The following INTS9 variants were observed in gnomAD, a reference collection of about 807,000 sequenced individuals.
INTS9 encodes integrator complex subunit 9, also known as protein related to CPSF subunits of 74 kDa.
A neutral mutation model predicts 79.7 loss-of-function variants in INTS9; 55 were observed. The ratio of observed to expected loss-of-function variants is 0.69; its 90% CI spans 0.56 to 0.86. The LOEUF is 0.86. Among genes scored for constraint, INTS9 ranks in the 40% least tolerant of loss-of-function variants. INTS9 has a pLI of 0.00. For synonymous variants in INTS9, 319 were observed against 325.2 expected (o/e 0.98, Z 0.20); for missense variants, 721 against 831.5 (o/e 0.87, Z 1.64).
intron 1 of INTS9, among the ~76,000 whole-genome samples, chr8:28,864,703 G>C (rs545335029): frequency 6.6e-6 from 1 of 152,236 alleles, no homozygotes; most frequent in Admixed American, 6.5e-5. Context: ...TCATGTGCGT[G>C]AGAATGAGAT....
intron 11 of INTS9, 43 bp from the exon 12 acceptor site, chr8:28,781,037 A>T: frequency 1.3e-6 from 2 of 1,548,030 alleles, no homozygotes; most frequent in Non-Finnish European, 1.8e-6. Context: ...GAGCCTGCCC[A>T]GGCTGAAGGG....
chr8:28,794,589 TCCTA>T (rs1328523888), intron 9 of INTS9, among the ~76,000 whole-genome samples: 1 of 152,176 alleles, frequency 6.6e-6, no homozygotes, highest in Non-Finnish European at 1.5e-5. Flanking sequence ...CTGTCTCAAA[TCCTA>T]CCTTTGTCCC....
At chr8:28,862,053 AGTGCACG>A (rs1183722752) in intron 1 of INTS9, 5 of 984,992 alleles carry the variant, frequency 5.1e-6, no homozygotes, top group Non-Finnish European at 6.0e-6. Context: ...GGGTCAACTG[AGTGCACG>A]GGAGCACAGA....
chr8:28,812,385 G>C lies in INTS9; in HGVS notation c.686C>G (p.Ser229Cys). The change falls in exon 8 of 17, where the codon TCT becomes TGT. Residue 229 changes from serine to cysteine, a missense_variant. Around this residue, in one of 3 missense-constraint regions of INTS9, gnomAD observed 291 missense variants for 307.0 expected, o/e 0.95. Coordinates refer to ENST00000521022, the MANE Select transcript of INTS9 (RefSeq NM_018250.4). ...GACATAAGACACTTTCTCGTAATGA[G>C]ACTGGATGATCCAGTTGGAGCTCCC... is the stretch of plus-strand genomic sequence containing the variant. ...ALGSSNWIIQ[S>C]HYEKVSYVSG... 6.2e-7 allele frequency: 1 copy of C among 1,613,792 alleles called. No individual in the cohort carries two copies. The highest frequency in any genetic ancestry group is 2.2e-5 in the East Asian group (1 of 44,864).
At chr8:28,821,229 A>C (rs1373188354) in intron 6 of INTS9, among the ~76,000 whole-genome samples, 2 of 152,222 alleles carry the variant, frequency 1.3e-5, no homozygotes, top group East Asian at 1.9e-4. Context: ...CTGGGAAGAA[A>C]AATAGGTTTA....
chr8:28,872,976 A>ATT (rs200377978), intron 1 of INTS9, among the ~76,000 whole-genome samples: 3 of 146,270 alleles, frequency 2.1e-5, no homozygotes. Flanking sequence ...ATTACAGGTG[A>ATT]TTTTTTTTTT....
chr8:28,797,563 G>A (rs35662659), intron 8 of INTS9, among the ~76,000 whole-genome samples: 29,105 of 152,120 alleles, frequency 0.19, 3,120 homozygotes, highest in East Asian at 0.46. Context: ...TTAGGATGCT[G>A]TGTTTTTATT....
intron 6 of INTS9, among the ~76,000 whole-genome samples, chr8:28,834,965 C>T (rs1255096239): frequency 6.6e-6 from 1 of 152,204 alleles, no homozygotes; most frequent in Non-Finnish European, 1.5e-5. Context: ...GCGTGAGTCA[C>T]CGCGCCTAGC....
intron 1 of INTS9, chr8:28,859,782 A>G: frequency 1.6e-6 from 1 of 613,372 alleles, no homozygotes; most frequent in Non-Finnish European, 3.0e-6. Flanking sequence ...GTCTTTTCAC[A>G]GGGTGCCAAG....
chr8:28,865,797 G>A (rs1232129561), intron 1 of INTS9, among the ~76,000 whole-genome samples: 3 of 152,100 alleles, frequency 2.0e-5, no homozygotes, highest in African/African-American at 4.8e-5. Flanking sequence ...CACATAACTC[G>A]TCTTTCACAA....
intron 6 of INTS9, among the ~76,000 whole-genome samples, chr8:28,820,865 G>A (rs1220541122): frequency 3.9e-5 from 6 of 152,030 alleles, no homozygotes; most frequent in African/African-American, 1.4e-4. Context: ...AAGGAAGGGA[G>A]GATAGTATGT....
At chr8:28,802,034 A>G (rs529272764) in intron 8 of INTS9, among the ~76,000 whole-genome samples, 13 of 152,344 alleles carry the variant, frequency 8.5e-5, no homozygotes, top group Admixed American at 2.6e-4. Flanking sequence ...AGACATTCTC[A>G]TAGGCCAATC....
At chr8:28,870,608 C>T (rs1360310054) in intron 1 of INTS9, among the ~76,000 whole-genome samples, 1 of 152,112 alleles carries the variant, frequency 6.6e-6, no homozygotes, top group Non-Finnish European at 1.5e-5. Flanking sequence ...AATATGCTTT[C>T]TTTTCTCTCT....
At chr8:28,881,239 C>G (rs1251993320) in intron 1 of INTS9, among the ~76,000 whole-genome samples, 28 of 139,830 alleles carry the variant, frequency 2.0e-4, no homozygotes, top group South Asian at 7.0e-4. Context: ...GTCGCCCCGT[C>G]CAGGAGGGAG....
At chr8:28,862,108 C>T in intron 1 of INTS9, 1 of 985,456 alleles carries the variant, frequency 1.0e-6, no homozygotes, top group Non-Finnish European at 1.2e-6. Context: ...ACAGGAGGCG[C>T]TTGCAAAGGG....
At chr8:28,810,606 C>T in intron 8 of INTS9, among the ~76,000 whole-genome samples, 1 of 149,676 alleles carries the variant, frequency 6.7e-6, no homozygotes, top group East Asian at 1.9e-4. Flanking sequence ...GACCTTCTCT[C>T]TCTCTCTCTC....
In INTS9 at chr8:28,882,547, A is replaced by G. The variant is rs375089635; in HGVS notation, c.9+7327T>C. On this transcript the variant is annotated intron_variant, in intron 1 of 16. Transcript: ENST00000521022. ...TATTAACAGCTAAAAAAAAAAAAAA[A>G]GAAAAAAAAAAAGAAAAATGTAGAC... is the stretch of plus-strand genomic sequence containing the variant. Among the ~76,000 whole-genome samples, 275 of 135,084 alleles carry G rather than the reference A, an allele frequency of 2.0e-3. 2 individuals are homozygous for G. The highest frequency in any genetic ancestry group is 6.8e-3 in the African/African-American group (240 of 35,080). The allele number at this position is 135,084 out of a possible 152,430, so 88.6% of individuals were successfully genotyped here.
rs533557355 is a variant in INTS9, at chr8:28,838,813, C to T, written c.262-1037G>A. ...TGGGATTACACCAAGCCACCAAGCC[C>T]GGTCTGTCTGTGTAACTCTTATGAC... On this transcript the variant is annotated intron_variant, in intron 4 of 16. Coordinates refer to ENST00000521022, the MANE Select transcript of INTS9 (RefSeq NM_018250.4). Among the ~76,000 whole-genome samples, 8 of 152,210 alleles carry T rather than the reference C, an allele frequency of 5.3e-5. No homozygotes were observed. The South Asian group carries it at 1.7e-3, about 32-fold the overall frequency.
chr8:28,790,022 C>T (rs901148329), intron 10 of INTS9, among the ~76,000 whole-genome samples: 2 of 152,194 alleles, frequency 1.3e-5, no homozygotes, highest in Admixed American at 6.5e-5. Context: ...CCCCTTAGCT[C>T]GGAGCAAGGG....
Sources: allele counts gnomAD v4.1 joint callset (sites outside exome capture counted in the v4.1 genomes callset), GRCh38; gene constraint gnomAD v4.1.1; regional missense constraint gnomAD v4.1.1; transcripts MANE v1.5; gene names NCBI Gene and HGNC (gene_info 2026-07-23, HGNC 2026-07-21).